The following TPCN1 variants were observed in gnomAD, a reference collection of about 807,000 sequenced individuals.
TPCN1 encodes the protein two pore channel protein 1.
A neutral mutation model predicts 108.8 loss-of-function variants in TPCN1; 52 were observed. The ratio of observed to expected loss-of-function variants is 0.48; its 90% CI spans 0.38 to 0.60. TPCN1 has a LOEUF of 0.60. Ranked by LOEUF, TPCN1 falls within the 20% of genes least tolerant of loss-of-function variation. The pLI is 0.00. For missense variants in TPCN1, 806 were observed against 1,072.8 expected, an observed-to-expected ratio of 0.75 and a Z score of 3.47; for synonymous variants, 446 against 433.7, an observed-to-expected ratio of 1.03 and a Z score of -0.35.
intron 2 of TPCN1, among the ~76,000 whole-genome samples, chr12:113,230,976 T>A (rs1593072142): frequency 6.6e-6 from 1 of 152,258 alleles, no homozygotes; most frequent in Non-Finnish European, 1.5e-5. Flanking sequence ...TCCTGGTGGC[T>A]GCCATCACTG....
intron 10 of TPCN1, among the ~76,000 whole-genome samples, chr12:113,274,215 G>T (rs1244018188): frequency 6.6e-6 from 1 of 152,196 alleles, no homozygotes; most frequent in Non-Finnish European, 1.5e-5. Flanking sequence ...CATTTTGGGA[G>T]GCCAAGGTGG....
Position 113,266,568 on chromosome 12 carries a change from C to G in TPCN1, c.414+212C>G, listed in dbSNP as rs538934816. 6.6e-6 allele frequency among the ~76,000 whole-genome samples: 1 copy of G among 152,348 alleles called. No homozygotes were observed. The highest frequency in any genetic ancestry group is 2.1e-4 in the South Asian group (1 of 4,832). On this transcript the variant is annotated intron_variant, in intron 4 of 27. Transcript: ENST00000335509. This position sits in a 1 kb window ranked among gnomAD's most constrained non-coding sequence, Gnocchi z 4.2. ...TTCACCCAGTCTCTCTGGGATTCTG[C>G]CCACCAGTAAATTCCAGGGAGGGGA...
chr12:113,271,100 C>CA (rs1202817205), intron 7 of TPCN1, among the ~76,000 whole-genome samples: 3 of 151,698 alleles, frequency 2.0e-5, no homozygotes, highest in Admixed American at 6.6e-5. Flanking sequence ...TCTACACACA[C>CA]ACAAAAAAAA....
At chr12:113,285,796 G>A (rs1007795437) in intron 17 of TPCN1, 93 bp from the exon 18 acceptor site, 3 of 1,099,234 alleles carry the variant, frequency 2.7e-6, no homozygotes, top group Non-Finnish European at 4.2e-6. Context: ...GGCCAGCAGG[G>A]AGGCTGCAGA....
chr12:113,222,071 G>C (rs1234103547), intron 1 of TPCN1, among the ~76,000 whole-genome samples: 1 of 152,200 alleles, frequency 6.6e-6, no homozygotes, highest in Non-Finnish European at 1.5e-5. Flanking sequence ...TGTAGAGGCA[G>C]AAGCAAAGCC....
chr12:113,260,662 G>A (rs1954996502), intron 3 of TPCN1, among the ~76,000 whole-genome samples, 170 bp downstream of exon 3: 2 of 152,134 alleles, frequency 1.3e-5, no homozygotes, highest in Non-Finnish European at 2.9e-5. Context: ...GTGCTCATAG[G>A]GGAAAACTGC....
chr12:113,241,793 T>TGTGC (rs776600301), intron 2 of TPCN1, among the ~76,000 whole-genome samples: 40 of 150,516 alleles, frequency 2.7e-4, no homozygotes, highest in African/African-American at 6.8e-4. Flanking sequence ...TGTGTGTGTG[T>TGTGC]GCGTGTGTGT....
chr12:113,271,160 C>G (rs781706038), intron 7 of TPCN1, among the ~76,000 whole-genome samples: 1 of 151,954 alleles, frequency 6.6e-6, no homozygotes, highest in African/African-American at 2.4e-5. Context: ...ACCTGTGGTC[C>G]CTGCTACTCA....
intron 18 of TPCN1, among the ~76,000 whole-genome samples, chr12:113,286,437 G>A (rs1956080091): frequency 6.6e-6 from 1 of 152,244 alleles, no homozygotes; most frequent in African/African-American, 2.4e-5. Context: ...AGGGTGAGCG[G>A]GTTAACACGC....
chr12:113,248,583 C>G (rs966346911), intron 2 of TPCN1, among the ~76,000 whole-genome samples: 4 of 152,150 alleles, frequency 2.6e-5, no homozygotes, highest in Admixed American at 2.0e-4. Flanking sequence ...AGCCAAAGAT[C>G]GGGGAGGCAG....
rs1333558040 is a variant in TPCN1 at position 113,268,956 on chromosome 12, G to T, written c.659+84G>T. ...CAGTGGGGCAGGAGCTTGTGAGTCA[G>T]TTAGTGATGAGGTCGACCCTGCATG... On this transcript the variant is annotated intron_variant, in intron 6 of 27. Coordinates refer to ENST00000335509, the MANE Select transcript of TPCN1 (RefSeq NM_017901.6). This position sits in a 1 kb window ranked among gnomAD's most constrained non-coding sequence, Gnocchi z 7.3. 2 of 1,534,220 alleles carry T rather than the reference G, an allele frequency of 1.3e-6. No individual in the cohort carries two copies. Among genetic ancestry groups the T allele is most frequent in the Non-Finnish European group, 1.8e-6 (2 of 1,117,170 alleles).
intron 2 of TPCN1, among the ~76,000 whole-genome samples, chr12:113,238,020 T>A (rs2136464354): frequency 6.6e-6 from 1 of 152,274 alleles, no homozygotes; most frequent in African/African-American, 2.4e-5. Context: ...ACTGACACAG[T>A]CCCCTGAACA....
chr12:113,270,890 A>G, intron 7 of TPCN1, among the ~76,000 whole-genome samples: 1 of 152,096 alleles, frequency 6.6e-6, no homozygotes, highest in Non-Finnish European at 1.5e-5. Context: ...GGGGATTAGG[A>G]TTTCAACATA....
chr12:113,253,058 G>A (rs1954707781), intron 2 of TPCN1, among the ~76,000 whole-genome samples: 1 of 152,148 alleles, frequency 6.6e-6, no homozygotes, highest in Admixed American at 6.5e-5. Context: ...GTAGTCTACC[G>A]ATTGGGAGCT....
intron 2 of TPCN1, among the ~76,000 whole-genome samples, chr12:113,253,198 G>A (rs1339721370): frequency 1.3e-5 from 2 of 152,124 alleles, no homozygotes; most frequent in African/African-American, 4.8e-5. Context: ...ACTTGGGAGG[G>A]CTGTTGTAAG....
At chr12:113,260,223 A>C in intron 2 of TPCN1, 145 bp from the exon 3 acceptor site, 1 of 863,326 alleles carries the variant, frequency 1.2e-6, no homozygotes, top group Non-Finnish European at 1.7e-6. Flanking sequence ...TGCCATTATC[A>C]GTACACAGCA....
intron 2 of TPCN1, among the ~76,000 whole-genome samples, chr12:113,241,829 C>G (rs1028150863): frequency 1.3e-5 from 2 of 149,540 alleles, no homozygotes; most frequent in Non-Finnish European, 3.0e-5. Flanking sequence ...AAGCATAGGG[C>G]CTTTACAAAT....
At chr12:113,250,342 C>T (rs541404207) in intron 2 of TPCN1, among the ~76,000 whole-genome samples, 2 of 152,326 alleles carry the variant, frequency 1.3e-5, no homozygotes, top group African/African-American at 4.8e-5. Flanking sequence ...TTGAAGTCAC[C>T]ATATACCTGT....
At chr12:113,223,240 CGTT>C (rs920705987) in intron 1 of TPCN1, among the ~76,000 whole-genome samples, 2 of 152,180 alleles carry the variant, frequency 1.3e-5, no homozygotes, top group African/African-American at 4.8e-5. Flanking sequence ...TGTTTCAAAA[CGTT>C]GTACTGTTCC....
Sources: gnomAD v4.1 joint callset for allele counts (sites outside exome capture counted in the v4.1 genomes callset) on GRCh38, gnomAD v4.1.1 for gene constraint, Gnocchi (gnomAD v3.1) non-coding constraint, MANE v1.5 for transcripts, NCBI Gene and HGNC (gene_info 2026-07-23, HGNC 2026-07-21) for gene names.